LINGO2: variants seen among roughly 807,000 people sequenced by gnomAD.
LINGO2 encodes leucine rich repeat and Ig domain containing 2.
Under a neutral mutation model 30.6 loss-of-function variants are expected in LINGO2, and 14 were observed. The ratio of observed to expected loss-of-function variants is 0.46; its 90% CI spans 0.30 to 0.72. LINGO2 has a LOEUF of 0.72. Among genes scored for constraint, LINGO2 ranks in the 30% least tolerant of loss-of-function variants. LINGO2 has a pLI of 0.07. For synonymous variants in LINGO2, 317 were observed against 288.5 expected, an observed-to-expected ratio of 1.10 and a Z score of -1.00; for missense variants, 729 against 751.7, an observed-to-expected ratio of 0.97 and a Z score of 0.35.
the LINGO2 span, among the ~76,000 whole-genome samples, chr9:28,973,131 T>C: frequency 6.6e-6 from 1 of 152,122 alleles, no homozygotes; most frequent in African/African-American, 2.4e-5. Flanking sequence ...AAGGAAATAA[T>C]AACAGAGAAC....
In LINGO2 at chr9:28,355,319, CTCT is replaced by C. The variant is rs1564145639; in HGVS notation, c.-246+17514_-246+17516del. 2.2e-5 allele frequency among the ~76,000 whole-genome samples: 3 copies of C among 136,726 alleles called. No homozygotes were observed. In the East Asian group the frequency reaches 6.1e-4, roughly 28 times the overall value. 89.7% of individuals were successfully genotyped at this position (136,726 alleles called of 152,430 possible). A position where few individuals can be genotyped will look rare whatever the true frequency, so the allele number is the denominator to read the frequency against. Reference sequence around the variant, plus strand: ...TCTATGTCTCTCTCTCTCTCTCTCTCTCTCTCTGTCTCTGTCTCTCTCTCTCTC... The same window carrying C: ...TCTATGTCTCTCTCTCTCTCTCTCTCCTCTGTCTCTGTCTCTCTCTCTCTC... On this transcript the variant is annotated intron_variant, in intron 3 of 5. Coordinates refer to ENST00000379992, the Ensembl canonical transcript of LINGO2.
intron 4 of LINGO2, among the ~76,000 whole-genome samples, chr9:28,150,955 AT>A (rs1827982696): frequency 6.6e-6 from 1 of 152,232 alleles, no homozygotes; most frequent in African/African-American, 2.4e-5. Flanking sequence ...TCAAAGTTAA[AT>A]TCTTTTATCC....
At chr9:28,526,161 A>G (rs1396997277) in intron 1 of LINGO2, among the ~76,000 whole-genome samples, 2 of 152,054 alleles carry the variant, frequency 1.3e-5, no homozygotes, top group Admixed American at 6.6e-5. Context: ...AATCAATAAT[A>G]CAAAAACGGA....
At chr9:28,438,558 T>C (rs1177500629) in intron 2 of LINGO2, among the ~76,000 whole-genome samples, 2 of 152,108 alleles carry the variant, frequency 1.3e-5, no homozygotes, top group African/African-American at 4.8e-5. Flanking sequence ...GAATGTATAT[T>C]GTGGGACTTT....
the LINGO2 span, among the ~76,000 whole-genome samples, chr9:28,831,712 A>G: frequency 6.6e-6 from 1 of 152,222 alleles, no homozygotes; most frequent in Non-Finnish European, 1.5e-5. Context: ...GGATGACTCA[A>G]TACAGAGAAA....
chr9:28,066,346 TTTTA>T (rs1825313437), intron 4 of LINGO2, among the ~76,000 whole-genome samples: 2 of 152,174 alleles, frequency 1.3e-5, no homozygotes, highest in Non-Finnish European at 2.9e-5. Context: ...AGATCCTGGC[TTTTA>T]TTTGTCTGCT....
the LINGO2 span, among the ~76,000 whole-genome samples, chr9:29,152,023 G>A: frequency 4.9e-4 from 75 of 152,136 alleles, no homozygotes; most frequent in Middle Eastern, 0.014. Flanking sequence ...AGATACTTCT[G>A]AAAAGAAGAC....
intron 4 of LINGO2, among the ~76,000 whole-genome samples, chr9:28,205,194 T>A (rs1043164455): frequency 2.0e-5 from 3 of 152,176 alleles, no homozygotes; most frequent in African/African-American, 7.2e-5. Context: ...CATGAAGAAA[T>A]ATTTGTGTTC....
the LINGO2 span, among the ~76,000 whole-genome samples, chr9:28,960,178 AAGAT>A: frequency 6.6e-6 from 1 of 152,200 alleles, no homozygotes; most frequent in African/African-American, 2.4e-5. Context: ...TTAATTAAAA[AAGAT>A]AGCTCTCAAG....
chr9:28,707,725 G>C, the LINGO2 span, among the ~76,000 whole-genome samples: 2 of 151,898 alleles, frequency 1.3e-5, no homozygotes, highest in African/African-American at 4.8e-5. Context: ...AGACATGAAT[G>C]AATACCTTAG....
the LINGO2 span, among the ~76,000 whole-genome samples, chr9:28,983,048 C>T: frequency 6.6e-6 from 1 of 151,742 alleles, no homozygotes; most frequent in East Asian, 1.9e-4. Context: ...GAAAATATCA[C>T]ATGAACTCAA....
chr9:28,699,741 G>A, the LINGO2 span, among the ~76,000 whole-genome samples: 1 of 151,918 alleles, frequency 6.6e-6, no homozygotes, highest in Non-Finnish European at 1.5e-5. Flanking sequence ...CCTGGGAAAC[G>A]AATTGTATTC....
chr9:29,008,411 G>A, the LINGO2 span, among the ~76,000 whole-genome samples: 1 of 152,156 alleles, frequency 6.6e-6, no homozygotes, highest in Non-Finnish European at 1.5e-5. Context: ...CTTTATAGCA[G>A]CATGATTTAT....
chr9:28,924,615 T>C, the LINGO2 span, among the ~76,000 whole-genome samples: 1 of 152,186 alleles, frequency 6.6e-6, no homozygotes, highest in African/African-American at 2.4e-5. Flanking sequence ...ATCAGTTCCA[T>C]ACAGTTGTCC....
At chr9:28,636,076 T>G (rs2135907417) in intron 1 of LINGO2, among the ~76,000 whole-genome samples, 1 of 152,242 alleles carries the variant, frequency 6.6e-6, no homozygotes, top group South Asian at 2.1e-4. Flanking sequence ...CATGCAGTCT[T>G]TGGTTTTCTG....
At chr9:29,075,927 ATC>A in the LINGO2 span, among the ~76,000 whole-genome samples, 1 of 152,144 alleles carries the variant, frequency 6.6e-6, no homozygotes, top group Non-Finnish European at 1.5e-5. Context: ...CTGACTGTCA[ATC>A]ATGCCGGAAT....
At chr9:29,034,502 T>G in the LINGO2 span, among the ~76,000 whole-genome samples, 1 of 152,298 alleles carries the variant, frequency 6.6e-6, no homozygotes, top group Admixed American at 6.5e-5. Flanking sequence ...AATTGAAAAT[T>G]AATCTCTGCC....
the LINGO2 span, among the ~76,000 whole-genome samples, chr9:29,206,641 A>G: frequency 6.6e-6 from 1 of 152,038 alleles, no homozygotes; most frequent in African/African-American, 2.4e-5. Flanking sequence ...TTGTATTGTT[A>G]TTTTGTATAG....
At chr9:28,628,712 C>A (rs1218268682) in intron 1 of LINGO2, among the ~76,000 whole-genome samples, 1 of 152,086 alleles carries the variant, frequency 6.6e-6, no homozygotes, top group Non-Finnish European at 1.5e-5. Context: ...TTGATTTCTG[C>A]TTTCATAAAC....
Sources: allele counts gnomAD v4.1 joint callset (sites outside exome capture counted in the v4.1 genomes callset), GRCh38; gene constraint gnomAD v4.1.1; transcripts MANE v1.5; gene names NCBI Gene and HGNC (gene_info 2026-07-23, HGNC 2026-07-21).